SYT6: variants seen among roughly 807,000 people sequenced by gnomAD.
SYT6 encodes the protein synaptotagmin-6.
SYT6 carries 24 observed loss-of-function variants against 38.4 expected under a neutral mutation model. The observed-to-expected ratio is 0.62, with a 90% confidence interval of 0.45 to 0.88. The LOEUF is 0.88. Ranked by LOEUF, SYT6 falls within the 40% of genes least tolerant of loss-of-function variation. The probability of loss-of-function intolerance (pLI) is 0.00; values close to 1 mark genes in which losing one functional copy is unlikely to be tolerated. For missense variants in SYT6, 611 were observed against 621.0 expected, an observed-to-expected ratio of 0.98 and a Z score of 0.17; for synonymous variants, 265 against 241.9, an observed-to-expected ratio of 1.10 and a Z score of -0.89.
Position 114,139,246 on chromosome 1 carries a change from C to T in SYT6, c.512+369G>A, listed in dbSNP as rs181685878. ...TAGCTATCAGGCTTTACTGACATATCCCTAAACACACCATGAACTCTTACA... is the reference window on the plus strand; with the variant it reads ...TAGCTATCAGGCTTTACTGACATATTCCTAAACACACCATGAACTCTTACA... On this transcript the variant is annotated intron_variant, in intron 2 of 7. Coordinates refer to ENST00000610222, the MANE Select transcript of SYT6 (RefSeq NM_001253772.2). Among the ~76,000 whole-genome samples the T allele has an allele frequency of 3.3e-4, 51 of 152,272 alleles. 1 individual carries two copies. Among genetic ancestry groups the T allele is most frequent in the Middle Eastern group, 3.4e-3 (1 of 294 alleles).
chr1:114,092,338 C>CTCTCTCTCTCTG (rs991723002), intron 7 of SYT6, among the ~76,000 whole-genome samples: 81 of 128,564 alleles, frequency 6.3e-4, no homozygotes, highest in African/African-American at 1.1e-3. Flanking sequence ...CTCTCTCTCT[C>CTCTCTCTCTCTG]TGTGTGTGTG....
chr1:114,150,001 G>A (rs1679363996), intron 1 of SYT6, among the ~76,000 whole-genome samples: 1 of 152,094 alleles, frequency 6.6e-6, no homozygotes, highest in Non-Finnish European at 1.5e-5. Context: ...TCCTAAGCAA[G>A]AATAGAAAGG....
chr1:114,100,796 G>T (rs1228035299), intron 4 of SYT6, among the ~76,000 whole-genome samples: 1 of 152,212 alleles, frequency 6.6e-6, no homozygotes, highest in Non-Finnish European at 1.5e-5. Context: ...GATGGGCAGA[G>T]CTAGCCCCAA....
intron 1 of SYT6, among the ~76,000 whole-genome samples, chr1:114,141,885 C>T (rs1678885323): frequency 6.6e-6 from 1 of 152,148 alleles, no homozygotes; most frequent in Admixed American, 6.5e-5. Flanking sequence ...AAAAACAAAA[C>T]CTGGATAATA....
chr1:114,139,282 T>G (rs1678701567), intron 2 of SYT6, among the ~76,000 whole-genome samples: 1 of 152,122 alleles, frequency 6.6e-6, no homozygotes, highest in Non-Finnish European at 1.5e-5. Context: ...TCTCTAGGCC[T>G]TTACTGTTCT....
chr1:114,119,278 C>G (rs1677225805), intron 3 of SYT6, among the ~76,000 whole-genome samples: 1 of 152,220 alleles, frequency 6.6e-6, no homozygotes, highest in African/African-American at 2.4e-5. Flanking sequence ...GAATCCCTTT[C>G]TCTTACTTTC....
chr1:114,102,069 C>T (rs567170230), intron 4 of SYT6, among the ~76,000 whole-genome samples: 6 of 152,308 alleles, frequency 3.9e-5, no homozygotes, highest in African/African-American at 1.4e-4. Context: ...TTTGTGATGA[C>T]CTCAGCAGCT....
chr1:114,127,564 A>G (rs1244997079), intron 3 of SYT6, among the ~76,000 whole-genome samples: 1 of 152,138 alleles, frequency 6.6e-6, no homozygotes, highest in Non-Finnish European at 1.5e-5. Context: ...CCAACCCCCA[A>G]TTTCCTCCTA....
chr1:114,150,972 C>T (rs1458911315), intron 1 of SYT6, among the ~76,000 whole-genome samples: 1 of 152,166 alleles, frequency 6.6e-6, no homozygotes, highest in Non-Finnish European at 1.5e-5. Context: ...AAGCTAGAGA[C>T]TTAGAACAGG....
chr1:114,136,571 C>T (rs969085037), intron 3 of SYT6, among the ~76,000 whole-genome samples: 1 of 152,338 alleles, frequency 6.6e-6, no homozygotes, highest in South Asian at 2.1e-4. Flanking sequence ...TGTGTCCTCT[C>T]CAGTTCTCTG....
chr1:114,137,955 A>C lies in SYT6; in HGVS notation c.611T>G (p.Ile204Ser). ...GTAGAGCTCAGGCTTGATGCGGCCA[A>C]TGCTGGTGGGCTGCTCTGCTGCTGG... The part of the protein sequence containing the change: ...LPPAAEQPTS[I>S]GRIKPELYKQ... Residue 204 changes from isoleucine (I) to serine (S), a missense_variant, in exon 3 of 8, where the codon ATT (isoleucine) becomes AGT (serine). Physicochemically the swap from Ile to Ser is moderately radical, Grantham distance 142 (BLOSUM62 -2). Coordinates refer to ENST00000610222, the MANE Select transcript of SYT6 (RefSeq NM_001253772.2). The C allele has an allele frequency of 6.2e-7, 1 of 1,613,950 alleles. No individual in the cohort carries two copies. Among genetic ancestry groups the C allele is most frequent in the Non-Finnish European group, 8.5e-7 (1 of 1,179,984 alleles).
In SYT6 at chr1:114,141,825, C is replaced by T. The variant is rs577535552; in HGVS notation, c.164-1862G>A. Reference sequence around the variant, plus strand: ...CTTATTTACCATTCCAAAAATCCTACGGCCCTTAAGAATTATGCTCAATCT... The same window carrying T: ...CTTATTTACCATTCCAAAAATCCTATGGCCCTTAAGAATTATGCTCAATCT... On this transcript the variant is annotated intron_variant, in intron 1 of 7. Transcript: ENST00000610222. Among the ~76,000 whole-genome samples the T allele has an allele frequency of 1.9e-3, 291 of 152,258 alleles. 1 individual carries two copies. Among genetic ancestry groups the T allele is most frequent in the African/African-American group, 6.6e-3 (273 of 41,550 alleles).
chr1:114,097,668 A>G (rs1219657750), intron 6 of SYT6, 59 bp downstream of exon 6: 1 of 1,588,910 alleles, frequency 6.3e-7, no homozygotes, highest in Admixed American at 1.7e-5. Flanking sequence ...GCTGACTGCC[A>G]TTCTCCAGCC....
chr1:114,138,080 G>T (rs1406578176), intron 2 of SYT6, 27 bp from the exon 3 acceptor site: 2 of 1,601,438 alleles, frequency 1.2e-6, no homozygotes, highest in South Asian at 2.2e-5. Flanking sequence ...GGGGGCAGAG[G>T]GAGTGTGGTC....
chr1:114,130,914 G>A (rs751655680), intron 3 of SYT6, among the ~76,000 whole-genome samples: 2 of 152,192 alleles, frequency 1.3e-5, no homozygotes, highest in African/African-American at 2.4e-5. Context: ...TTCACCCCCG[G>A]GTGATTTAAT....
At chr1:114,111,716 T>G (rs1159049198) in intron 3 of SYT6, among the ~76,000 whole-genome samples, 1 of 57,926 alleles carries the variant, frequency 1.7e-5, no homozygotes, top group Non-Finnish European at 4.4e-5. Context: ...CAAGGCAAAG[T>G]CAGGACTTCC....
chr1:114,144,226 C>T (rs150916502), intron 1 of SYT6, among the ~76,000 whole-genome samples: 3 of 152,356 alleles, frequency 2.0e-5, no homozygotes, highest in Non-Finnish European at 4.4e-5. Flanking sequence ...TCCTCACCAG[C>T]TCAACCCTCC....
At chr1:114,107,562 C>T (rs1387274119) in intron 3 of SYT6, among the ~76,000 whole-genome samples, 9 of 152,228 alleles carry the variant, frequency 5.9e-5, no homozygotes, top group Non-Finnish European at 1.2e-4. Context: ...TGCCTGGTGG[C>T]AAGTCAGCAG....
chr1:114,095,383 T>G (rs1442943404), intron 6 of SYT6, among the ~76,000 whole-genome samples: 3 of 152,226 alleles, frequency 2.0e-5, no homozygotes, highest in Non-Finnish European at 4.4e-5. Context: ...GGAGAGTGAT[T>G]CTGGGGCCAA....
Sources: gnomAD v4.1 joint callset for allele counts (sites outside exome capture counted in the v4.1 genomes callset) on GRCh38, gnomAD v4.1.1 for gene constraint, MANE v1.5 for transcripts, NCBI Gene and HGNC (gene_info 2026-07-23, HGNC 2026-07-21) for gene names.